Variants in CNTNAP2 observed in about 807,000 individuals in gnomAD.
CNTNAP2 encodes the protein contactin-associated protein-like 2.
CNTNAP2 carries 98 observed loss-of-function variants against 155.2 expected under a neutral mutation model. The ratio of observed to expected loss-of-function variants is 0.63; its 90% confidence interval spans 0.54 to 0.75. The LOEUF (loss-of-function observed/expected upper bound fraction) is 0.75, where lower values mean the gene tolerates loss of function less well. CNTNAP2 is among the 30% of genes least tolerant of loss of function. The pLI is 0.00. For missense variants in CNTNAP2, 1,727 were observed against 1,688.1 expected (o/e 1.02, Z -0.40); for synonymous variants, 651 against 631.2 (o/e 1.03, Z -0.47).
chr7:148,327,993 G>A (rs1258568843), intron 21 of CNTNAP2, among the ~76,000 whole-genome samples: 1 of 152,148 alleles, frequency 6.6e-6, no homozygotes, highest in African/African-American at 2.4e-5. Context: ...TTAGGGCCTT[G>A]GAAAGTTGTG....
chr7:147,215,439 G>A (rs1803246385), intron 8 of CNTNAP2, among the ~76,000 whole-genome samples: 1 of 152,158 alleles, frequency 6.6e-6, no homozygotes, highest in South Asian at 2.1e-4. Context: ...CACATGGTTG[G>A]ACTCATACAG....
intron 1 of CNTNAP2, among the ~76,000 whole-genome samples, chr7:146,521,505 T>C (rs1392168244): frequency 1.3e-5 from 2 of 152,034 alleles, no homozygotes; most frequent in Non-Finnish European, 2.9e-5. Flanking sequence ...GAAGGTGAAC[T>C]GCATTTACAA....
chr7:146,549,739 G>A (rs2129142464), intron 1 of CNTNAP2, among the ~76,000 whole-genome samples: 1 of 152,150 alleles, frequency 6.6e-6, no homozygotes. Flanking sequence ...TAGGGACACA[G>A]CACACTGATA....
intron 21 of CNTNAP2, among the ~76,000 whole-genome samples, chr7:148,301,693 A>G (rs1156965086): frequency 2.6e-5 from 4 of 152,212 alleles, no homozygotes; most frequent in Non-Finnish European, 5.9e-5. Context: ...GCCCACTTCA[A>G]GAAGTATGTA....
rs369993869 is a variant in CNTNAP2, at chr7:146,471,883, T to C, written c.98-302388T>C. ...ATTAAGATCCATAAATCACTTTTTT[T>C]GTGGGAAATGGGGACCAGTTCTGGT... On this transcript the variant is annotated intron_variant, in intron 1 of 23. Coordinates refer to ENST00000361727, the MANE Select transcript of CNTNAP2 (RefSeq NM_014141.6). Among the ~76,000 whole-genome samples, 27 of 152,328 alleles carry C rather than the reference T, an allele frequency of 1.8e-4. No individual in the cohort carries two copies. The East Asian group carries it at 3.7e-3, about 21-fold the overall frequency.
chr7:146,269,559 C>G (rs1800047379), intron 1 of CNTNAP2, among the ~76,000 whole-genome samples: 1 of 151,970 alleles, frequency 6.6e-6, no homozygotes, highest in African/African-American at 2.4e-5. Context: ...GAAAAATGAT[C>G]CAAAATTTAT....
intron 9 of CNTNAP2, among the ~76,000 whole-genome samples, chr7:147,365,511 AT>A (rs1796216330): frequency 6.6e-6 from 1 of 151,452 alleles, no homozygotes; most frequent in Non-Finnish European, 1.5e-5. Context: ...ATTAATAAAT[AT>A]TTTCTACTAT....
chr7:147,664,648 TA>T (rs2116957549), intron 13 of CNTNAP2, among the ~76,000 whole-genome samples: 1 of 152,332 alleles, frequency 6.6e-6, no homozygotes, highest in South Asian at 2.1e-4. Flanking sequence ...TTTCTTCTTT[TA>T]TTCCTAGGAA....
intron 3 of CNTNAP2, among the ~76,000 whole-genome samples, chr7:146,973,682 A>G (rs1049804236): frequency 2.6e-5 from 4 of 152,194 alleles, no homozygotes; most frequent in African/African-American, 4.8e-5. Context: ...TGATATGTGA[A>G]CACTCATAGC....
chr7:146,972,061 T>A (rs953690932), intron 3 of CNTNAP2, among the ~76,000 whole-genome samples: 1 of 152,170 alleles, frequency 6.6e-6, no homozygotes, highest in Non-Finnish European at 1.5e-5. Context: ...GTACACTTGT[T>A]AAAATGGCCT....
chr7:146,475,007 G>A (rs1011863793), intron 1 of CNTNAP2, among the ~76,000 whole-genome samples: 27 of 128,086 alleles, frequency 2.1e-4, no homozygotes, highest in East Asian at 2.2e-4. Context: ...GCACGCGCGC[G>A]CGCGCGCACA....
rs1405661945 is a variant in CNTNAP2, at chr7:148,246,014, T to G, written c.3381+16235T>G. The stretch of plus-strand genomic sequence containing the variant: ...TTCCAGGGAACAGAGCATTGCTGCT[T>G]TCCATAAACTGGCAGAACTGGTCGT... On this transcript the variant is annotated intron_variant, in intron 20 of 23. Transcript: ENST00000361727. Among the ~76,000 whole-genome samples, 4 of 152,226 alleles carry G rather than the reference T, an allele frequency of 2.6e-5. 1 individual carries two copies. Among genetic ancestry groups the G allele is most frequent in the Non-Finnish European group, 5.9e-5 (4 of 68,038 alleles).
intron 21 of CNTNAP2, among the ~76,000 whole-genome samples, chr7:148,328,248 C>T (rs538649142): frequency 9.2e-5 from 14 of 152,040 alleles, no homozygotes; most frequent in African/African-American, 3.1e-4. Context: ...TGGGGTGTGC[C>T]GGGGCTGGAG....
chr7:146,678,220 C>T (rs527405021), intron 1 of CNTNAP2, among the ~76,000 whole-genome samples: 16 of 149,674 alleles, frequency 1.1e-4, no homozygotes, highest in African/African-American at 3.2e-4. Context: ...AGGCGACCAC[C>T]GCCACACCTA....
intron 4 of CNTNAP2, among the ~76,000 whole-genome samples, chr7:147,086,473 A>G (rs918983066): frequency 4.6e-5 from 7 of 151,936 alleles, no homozygotes; most frequent in African/African-American, 7.3e-5. Context: ...ATTTCTCTCT[A>G]TCACCCAGAA....
chr7:147,891,976 G>A (rs1455990553), intron 13 of CNTNAP2, among the ~76,000 whole-genome samples: 1 of 152,022 alleles, frequency 6.6e-6, no homozygotes, highest in Non-Finnish European at 1.5e-5. Flanking sequence ...CAACAAAGTC[G>A]ATTTTTTTAA....
chr7:147,119,383 A>C (rs6968536), intron 5 of CNTNAP2, among the ~76,000 whole-genome samples: 1 of 151,914 alleles, frequency 6.6e-6, no homozygotes, highest in Non-Finnish European at 1.5e-5. Context: ...TGGAATTTAC[A>C]ACAGCCAGGG....
At chr7:148,303,185 A>G (rs1353978169) in intron 21 of CNTNAP2, among the ~76,000 whole-genome samples, 1 of 152,162 alleles carries the variant, frequency 6.6e-6, no homozygotes, top group Non-Finnish European at 1.5e-5. Flanking sequence ...CTAATAGAAC[A>G]AATATTCCCA....
At chr7:146,360,817 A>G (rs1481551806) in intron 1 of CNTNAP2, among the ~76,000 whole-genome samples, 1 of 152,198 alleles carries the variant, frequency 6.6e-6, no homozygotes, top group Admixed American at 6.5e-5. Flanking sequence ...TTCACTATCA[A>G]GAAAATTGAT....
Sources: gnomAD v4.1 joint callset for allele counts (sites outside exome capture counted in the v4.1 genomes callset) on GRCh38, gnomAD v4.1.1 for gene constraint, MANE v1.5 for transcripts, NCBI Gene and HGNC (gene_info 2026-07-23, HGNC 2026-07-21) for gene names.